AGBL4: variants seen among roughly 807,000 people sequenced by gnomAD.
AGBL4 encodes cytosolic carboxypeptidase 6.
In AGBL4, 58 loss-of-function variants were observed where a neutral mutation model predicts 66.4. That is an observed-to-expected ratio of 0.87 (90% CI 0.71 to 1.09). The LOEUF is 1.09. Among genes scored for constraint, AGBL4 ranks in the 50% least tolerant of loss-of-function variants. The pLI, the probability that AGBL4 is intolerant of heterozygous loss-of-function variation, is 0.00. For synonymous variants in AGBL4, 234 were observed against 222.9 expected, an observed-to-expected ratio of 1.05 and a Z score of -0.44; for missense variants, 579 against 631.0, an observed-to-expected ratio of 0.92 and a Z score of 0.88.
Position 49,796,021 on chromosome 1 carries a change from AC to A in AGBL4, c.157+55374del, listed in dbSNP as rs369220023. Among the ~76,000 whole-genome samples, 12 of 152,090 alleles carry A rather than the reference AC, an allele frequency of 7.9e-5. No individual in the cohort carries two copies. The East Asian group carries it at 2.1e-3, about 27-fold the overall frequency. ...ATATCAAGCTAAGAAAATACTGGCC[AC>A]AATGATAACTAAGACTTAATATTCT... On this transcript the variant is annotated intron_variant, in intron 2 of 13. Coordinates refer to ENST00000371839, the MANE Select transcript of AGBL4 (RefSeq NM_032785.4).
At chr1:49,778,527 A>T (rs1184485692) in intron 2 of AGBL4, among the ~76,000 whole-genome samples, 1 of 152,164 alleles carries the variant, frequency 6.6e-6, no homozygotes, top group Non-Finnish European at 1.5e-5. Flanking sequence ...GGTGAGCAAT[A>T]AAGAGGGAGT....
chr1:48,925,638 G>A (rs1212328408), intron 5 of AGBL4, among the ~76,000 whole-genome samples: 1 of 152,100 alleles, frequency 6.6e-6, no homozygotes, highest in Non-Finnish European at 1.5e-5. Flanking sequence ...CCCTGGACTA[G>A]AGAATAATGA....
At chr1:49,217,095 C>T (rs1649154324) in intron 4 of AGBL4, among the ~76,000 whole-genome samples, 1 of 151,910 alleles carries the variant, frequency 6.6e-6, no homozygotes, top group East Asian at 1.9e-4. Flanking sequence ...GTGACAAGAA[C>T]CTTCAATTTC....
At chr1:49,300,062 T>G (rs553306287) in intron 3 of AGBL4, among the ~76,000 whole-genome samples, 1 of 152,240 alleles carries the variant, frequency 6.6e-6, no homozygotes, top group South Asian at 2.1e-4. Flanking sequence ...GATATTGGCA[T>G]GCAACTTTCC....
At chr1:49,702,636 A>T in intron 2 of AGBL4, among the ~76,000 whole-genome samples, 1 of 152,190 alleles carries the variant, frequency 6.6e-6, no homozygotes, top group Non-Finnish European at 1.5e-5. Context: ...ACAAAAACAA[A>T]AACAATAACA....
chr1:49,556,469 G>A (rs1643899709), intron 3 of AGBL4, among the ~76,000 whole-genome samples: 1 of 151,094 alleles, frequency 6.6e-6, no homozygotes, highest in Non-Finnish European at 1.5e-5. Context: ...TAACAAACCT[G>A]CACATTGTGC....
At chr1:49,971,054 A>T (rs969659309) in intron 1 of AGBL4, among the ~76,000 whole-genome samples, 1 of 152,192 alleles carries the variant, frequency 6.6e-6, no homozygotes, top group Non-Finnish European at 1.5e-5. Flanking sequence ...GTACTGGATT[A>T]TTTAAATATA....
intron 3 of AGBL4, among the ~76,000 whole-genome samples, chr1:49,473,212 A>G (rs1184020549): frequency 6.6e-6 from 1 of 152,116 alleles, no homozygotes; most frequent in African/African-American, 2.4e-5. Flanking sequence ...CTTTTAAGAA[A>G]TCTCCAAACT....
chr1:48,917,498 A>G (rs1240453856), intron 5 of AGBL4, among the ~76,000 whole-genome samples: 1 of 152,134 alleles, frequency 6.6e-6, no homozygotes, highest in Non-Finnish European at 1.5e-5. Context: ...TATCCCAGAT[A>G]TTTTCACATA....
intron 3 of AGBL4, among the ~76,000 whole-genome samples, chr1:49,412,788 G>C (rs938554420): frequency 2.0e-5 from 3 of 152,116 alleles, no homozygotes; most frequent in Non-Finnish European, 4.4e-5. Context: ...GAAGAGTAGG[G>C]AGATTTTCTG....
chr1:49,860,254 C>T (rs1336853997), intron 1 of AGBL4, among the ~76,000 whole-genome samples: 1 of 151,978 alleles, frequency 6.6e-6, no homozygotes, highest in Non-Finnish European at 1.5e-5. Flanking sequence ...GGAAAAAAAA[C>T]AGTGTGGGGT....
At chr1:49,764,057 C>T (rs918971458) in intron 2 of AGBL4, among the ~76,000 whole-genome samples, 16 of 152,094 alleles carry the variant, frequency 1.1e-4, no homozygotes, top group Admixed American at 5.9e-4. Flanking sequence ...CTTCACGCTG[C>T]GCAACCCCCT....
At chr1:49,993,113 G>T (rs1342850157) in intron 1 of AGBL4, among the ~76,000 whole-genome samples, 1 of 152,124 alleles carries the variant, frequency 6.6e-6, no homozygotes, top group Non-Finnish European at 1.5e-5. Flanking sequence ...TTCTTCACTG[G>T]TTGATATGAA....
At chr1:48,742,525 C>T in intron 6 of AGBL4, 1 of 1,256,270 alleles carries the variant, frequency 8.0e-7, no homozygotes, top group Non-Finnish European at 1.0e-6. Flanking sequence ...GGAGGCCAAC[C>T]AGTCAAGCTG....
At chr1:49,907,685 G>C (rs1231769047) in intron 1 of AGBL4, among the ~76,000 whole-genome samples, 1 of 152,058 alleles carries the variant, frequency 6.6e-6, no homozygotes, top group Non-Finnish European at 1.5e-5. Context: ...TAAATACATG[G>C]AGCACAGAGG....
chr1:49,465,555 G>T (rs921724072), intron 3 of AGBL4, among the ~76,000 whole-genome samples: 3 of 151,750 alleles, frequency 2.0e-5, no homozygotes, highest in East Asian at 1.9e-4. Context: ...CACAGAGATT[G>T]CTCCTTGAAT....
In AGBL4 at chr1:48,765,144, T is replaced by C. The variant is rs746790365; in HGVS notation, c.635-101903A>G. Reference sequence around the variant, plus strand: ...TCCTACCTACCTTCTTTGTAGTCTATTATCTTACTATTTGCAATTATCTGC... The same window carrying C: ...TCCTACCTACCTTCTTTGTAGTCTACTATCTTACTATTTGCAATTATCTGC... On this transcript the variant is annotated intron_variant, in intron 6 of 13. Coordinates refer to ENST00000371839, the MANE Select transcript of AGBL4 (RefSeq NM_032785.4). Among the ~76,000 whole-genome samples the C allele has an allele frequency of 5.3e-5, 8 of 152,380 alleles. No homozygotes were observed. The Middle Eastern group carries it at 0.01, about 194-fold the overall frequency.
Position 48,852,015 on chromosome 1 carries a change from C to CTTTTTT in AGBL4, c.634+15170_634+15175dup, listed in dbSNP as rs138826187. On this transcript the variant is annotated intron_variant, in intron 6 of 13. Transcript: ENST00000371839. The stretch of plus-strand genomic sequence containing the variant: ...GGTTCTGGTATGTGCCAGATACGTA[C>CTTTTTT]TTTTTTTTTTTTTTTTTTTTTTTTC... 2.9e-4 allele frequency among the ~76,000 whole-genome samples: 21 copies of CTTTTTT among 71,924 alleles called. 1 individual carries two copies. The highest frequency in any genetic ancestry group is 8.1e-4 in the African/African-American group (16 of 19,834). 47.2% of individuals were successfully genotyped at this position (71,924 alleles called of 152,430 possible).
chr1:49,652,628 TG>T (rs1223938955), intron 3 of AGBL4, among the ~76,000 whole-genome samples: 2 of 152,252 alleles, frequency 1.3e-5, no homozygotes. Flanking sequence ...GGGCTCCAGT[TG>T]GTTGTTTTCC....
Sources: gnomAD v4.1 joint callset for allele counts (sites outside exome capture counted in the v4.1 genomes callset) on GRCh38, gnomAD v4.1.1 for gene constraint, MANE v1.5 for transcripts, NCBI Gene and HGNC (gene_info 2026-07-23, HGNC 2026-07-21) for gene names.